Variants in BBS4 observed in about 807,000 individuals in gnomAD.
The protein encoded by BBS4 is Bardet-Biedl syndrome 4, also known as BBSome complex member BBS4.
A neutral mutation model predicts 71.4 loss-of-function variants in BBS4; 58 were observed. The ratio of observed to expected loss-of-function variants is 0.81; its 90% CI spans 0.66 to 1.01. BBS4 has a LOEUF of 1.01. BBS4 is among the 50% of genes least tolerant of loss of function. The pLI is 0.00. For synonymous variants in BBS4, 228 were observed against 216.8 expected (o/e 1.05, Z -0.46); for missense variants, 660 against 607.9 (o/e 1.09, Z -0.90).
intron 6 of BBS4, among the ~76,000 whole-genome samples, chr15:72,720,396 G>A (rs901008979): frequency 7.3e-5 from 11 of 150,906 alleles, no homozygotes; most frequent in East Asian, 2.0e-4. Flanking sequence ...GGAGGATCAC[G>A]TTAGCCCAGG....
rs541104877 is a variant in BBS4 at position 72,728,033 on chromosome 15, G to A, written c.642+39G>A. The A allele has an allele frequency of 6.7e-5, 101 of 1,518,282 alleles. 2 individuals carry two copies. Among genetic ancestry groups the A allele is most frequent in the South Asian group, 4.6e-4 (41 of 89,010 alleles). 94.1% of individuals were successfully genotyped at this position (1,518,282 alleles called of 1,614,324 possible). On this transcript the variant is annotated intron_variant, in intron 9 of 15. Transcript: ENST00000268057. ...TGTACTCATTCATGCACTGATGTTA[G>A]AAATGGTTTTGGGTTTGTGTGTATG...
At chr15:72,699,538 T>C (rs1201089024) in intron 2 of BBS4, among the ~76,000 whole-genome samples, 3 of 152,246 alleles carry the variant, frequency 2.0e-5, no homozygotes, top group African/African-American at 7.2e-5. Flanking sequence ...TGTATACTCA[T>C]GTACATATTT....
Position 72,729,678 on chromosome 15 carries a change from C to T in BBS4, c.705C>T (p.Asn235=). ...LGNALTYDPT[N]YKAILAAGSM... ...ATGCACTGACTTATGACCCTACCAACTACAAGGTATTACAGGCTGTGAAGG... is the reference window on the plus strand; with the variant it reads ...ATGCACTGACTTATGACCCTACCAATTACAAGGTATTACAGGCTGTGAAGG... Residue 235 remains asparagine, a synonymous_variant, in exon 10 of 16, where the codon AAC becomes AAT. Transcript: ENST00000268057. The T allele has an allele frequency of 3.1e-6, 5 of 1,613,974 alleles. No homozygotes were observed. The highest frequency in any genetic ancestry group is 4.2e-6 in the Non-Finnish European group (5 of 1,179,846).
intron 6 of BBS4, chr15:72,717,172 C>T: frequency 3.2e-6 from 1 of 315,224 alleles, no homozygotes; most frequent in Non-Finnish European, 5.9e-6. Context: ...AGTTGTGTTT[C>T]ATGTCTTTTT....
intron 7 of BBS4, among the ~76,000 whole-genome samples, 182 bp from the exon 8 acceptor site, chr15:72,724,346 C>T (rs1207213719): frequency 6.6e-6 from 1 of 152,166 alleles, no homozygotes; most frequent in Non-Finnish European, 1.5e-5. Context: ...TCCCATGTTG[C>T]CAGCTGTCTT....
chr15:72,703,146 G>C (rs962800125), intron 2 of BBS4, among the ~76,000 whole-genome samples: 1 of 152,136 alleles, frequency 6.6e-6, no homozygotes, highest in African/African-American at 2.4e-5. Flanking sequence ...TTTCTTCCCA[G>C]GCTTCCGTGT....
chr15:72,714,493 T>C (rs371736028), intron 4 of BBS4, among the ~76,000 whole-genome samples: 2 of 152,330 alleles, frequency 1.3e-5, no homozygotes, highest in East Asian at 1.9e-4. Flanking sequence ...ACCAAAGTGC[T>C]GGGATTACAG....
chr15:72,724,460 A>C (rs1350465145), intron 7 of BBS4, 68 bp from the exon 8 acceptor site: 60 of 1,597,116 alleles, frequency 3.8e-5, no homozygotes, highest in Admixed American at 1.2e-4. Flanking sequence ...TCTTTACATT[A>C]GCCATATAAA....
At chr15:72,690,377 A>T (rs1035398310) in intron 1 of BBS4, among the ~76,000 whole-genome samples, 15 of 152,230 alleles carry the variant, frequency 9.9e-5, no homozygotes, top group African/African-American at 3.6e-4. Context: ...TGAGTGGGCT[A>T]ATAGAATCCT....
chr15:72,699,203 CA>C (rs1276419644), intron 2 of BBS4, among the ~76,000 whole-genome samples: 1 of 151,878 alleles, frequency 6.6e-6, no homozygotes, highest in African/African-American at 2.4e-5. Flanking sequence ...TCTCTTGCCT[CA>C]GCTTCCCGTG....
chr15:72,737,876 G>C lies in BBS4; in HGVS notation c.*289G>C, dbSNP rs1159596414. The C allele has an allele frequency of 6.3e-6, 3 of 474,220 alleles. No homozygotes were observed. In the Admixed American group the frequency reaches 7.0e-5, roughly 11 times the overall value. 29.4% of individuals were successfully genotyped at this position (474,220 alleles called of 1,614,324 possible). A position where few individuals can be genotyped will look rare whatever the true frequency, so the allele number is the denominator to read the frequency against. ...CTTATGTATGTAGCTGAGTCAGCAA[G>C]GTACATGATGCTGTCTGCTTTCAAA... On this transcript the variant is annotated 3_prime_UTR_variant, in exon 16 of 16. Coordinates refer to ENST00000268057, the MANE Select transcript of BBS4 (RefSeq NM_033028.5).
intron 8 of BBS4, 61 bp downstream of exon 8, chr15:72,724,716 A>T: frequency 6.3e-7 from 1 of 1,596,004 alleles, no homozygotes; most frequent in Non-Finnish European, 8.6e-7. Flanking sequence ...GGATATGTGA[A>T]CTCCCAAGCC....
At chr15:72,717,515 CAGAA>C (rs2065488716) in intron 6 of BBS4, among the ~76,000 whole-genome samples, 1 of 151,942 alleles carries the variant, frequency 6.6e-6, no homozygotes, top group African/African-American at 2.4e-5. Context: ...TCTAGGGAGG[CAGAA>C]AGAGAAAGCA....
chr15:72,735,962 C>G lies in BBS4; in HGVS notation c.1244C>G (p.Ser415Cys). The G allele has an allele frequency of 6.2e-7, 1 of 1,614,092 alleles. No individual in the cohort carries two copies. The highest frequency in any genetic ancestry group is 8.5e-7 in the Non-Finnish European group (1 of 1,180,020). Residue 415 changes from serine (S) to cysteine (C), a missense_variant, in exon 14 of 16, where the codon TCT becomes TGT. Physicochemically the swap from Ser to Cys is moderately radical, Grantham distance 112 (BLOSUM62 -1). Transcript: ENST00000268057. ...LKDNSSLEFD[S>C]EMVEMAQKLG... ...GACAATAGCTCTCTGGAATTTGACT[C>G]TGAGGTATGTCTTTTATTAGCTCCC...
chr15:72,737,077 A>G, intron 15 of BBS4, 114 bp downstream of exon 15: 1 of 1,302,824 alleles, frequency 7.7e-7, no homozygotes, highest in Non-Finnish European at 1.1e-6. Flanking sequence ...CCAACGTAGT[A>G]TTGGCCACAA....
At chr15:72,693,717 T>C (rs2065026225) in intron 1 of BBS4, among the ~76,000 whole-genome samples, 1 of 152,132 alleles carries the variant, frequency 6.6e-6, no homozygotes, top group Admixed American at 6.6e-5. Context: ...ATAAACAGGA[T>C]GGATTTGACC....
At chr15:72,713,478 T>C (rs796481036) in intron 4 of BBS4, among the ~76,000 whole-genome samples, 87 of 152,286 alleles carry the variant, frequency 5.7e-4, no homozygotes, top group African/African-American at 2.0e-3. Context: ...CCTATAACAA[T>C]AGGAATACCT....
chr15:72,701,440 T>G (rs1409208437), intron 2 of BBS4, among the ~76,000 whole-genome samples: 1 of 152,196 alleles, frequency 6.6e-6, no homozygotes, highest in Non-Finnish European at 1.5e-5. Flanking sequence ...TTGTACATGT[T>G]TTTTGGTACA....
chr15:72,715,166 C>A, intron 4 of BBS4, 125 bp from the exon 5 acceptor site: 1 of 712,028 alleles, frequency 1.4e-6, no homozygotes, highest in Non-Finnish European at 2.5e-6. Context: ...TTTAAGGATA[C>A]AGTTGTCCAA....
Sources: gnomAD v4.1 joint callset for allele counts (sites outside exome capture counted in the v4.1 genomes callset) on GRCh38, gnomAD v4.1.1 for gene constraint, MANE v1.5 for transcripts, NCBI Gene and HGNC (gene_info 2026-07-23, HGNC 2026-07-21) for gene names.